The following EIF2S1 variants were observed in gnomAD, a reference collection of about 807,000 sequenced individuals.
EIF2S1 encodes the protein eukaryotic translation initiation factor 2 subunit alpha.
Under a neutral mutation model 33.5 loss-of-function variants are expected in EIF2S1, and 5 were observed. That is an observed-to-expected ratio of 0.15 (90% CI 0.08 to 0.31). The LOEUF is 0.31. EIF2S1 is among the 10% of genes least tolerant of loss of function. The pLI, the probability that EIF2S1 is intolerant of heterozygous loss-of-function variation, is 1.00. For synonymous variants in EIF2S1, 99 were observed against 127.5 expected, an observed-to-expected ratio of 0.78 and a Z score of 1.51; for missense variants, 191 against 384.6, an observed-to-expected ratio of 0.50 and a Z score of 4.21.
At chr14:67,363,491 T>G (rs1043751015) in intron 1 of EIF2S1, among the ~76,000 whole-genome samples, 1 of 152,194 alleles carries the variant, frequency 6.6e-6, no homozygotes, top group Non-Finnish European at 1.5e-5. Context: ...TTATAATATA[T>G]TTATGAATAG....
At chr14:67,376,330 T>G in intron 3 of EIF2S1, 109 bp from the exon 4 acceptor site, 1 of 1,111,940 alleles carries the variant, frequency 9.0e-7, no homozygotes, top group Non-Finnish European at 1.2e-6. Context: ...TGGAGATCTT[T>G]TATTGTTAAG....
At chr14:67,382,631 T>C (rs752877838) in intron 7 of EIF2S1, 41 bp downstream of exon 7, 1 of 1,610,644 alleles carries the variant, frequency 6.2e-7, no homozygotes, top group Non-Finnish European at 8.5e-7. Context: ...ACTCAGGAGG[T>C]TCCTAAAAGG....
intron 2 of EIF2S1, among the ~76,000 whole-genome samples, chr14:67,372,063 G>T (rs961190794): frequency 1.5e-4 from 23 of 152,076 alleles, no homozygotes; most frequent in African/African-American, 5.3e-4. Flanking sequence ...CCAGGAGTTC[G>T]AGACCAGCCT....
chr14:67,375,631 T>A (rs1302593213), intron 3 of EIF2S1, among the ~76,000 whole-genome samples: 1 of 152,182 alleles, frequency 6.6e-6, no homozygotes, highest in Non-Finnish European at 1.5e-5. Flanking sequence ...CCCAAATCAT[T>A]TCCTTTGTTT....
intron 1 of EIF2S1, 94 bp from the exon 2 acceptor site, chr14:67,364,673 C>A: frequency 7.8e-7 from 1 of 1,276,682 alleles, no homozygotes; most frequent in Non-Finnish European, 1.1e-6. Context: ...TTTTTTTCTT[C>A]ATCTTTTCTT....
rs749202729 is a variant in EIF2S1, at chr14:67,381,708, T to G, written c.678+18T>G. 1.9e-6 allele frequency: 3 copies of G among 1,571,674 alleles called. No individual in the cohort carries two copies. In the South Asian group the frequency reaches 3.4e-5, roughly 18 times the overall value. On this transcript the variant is annotated intron_variant, in intron 6 of 7. Coordinates refer to ENST00000256383, the MANE Select transcript of EIF2S1 (RefSeq NM_004094.5). The stretch of plus-strand genomic sequence containing the variant: ...CCATTAAGGTGAGTCATGAGTTGTC[T>G]CCCTCCCTGCTGAAATGCTCACCTA...
intron 4 of EIF2S1, 126 bp downstream of exon 4, chr14:67,376,716 T>TA: frequency 1.1e-6 from 1 of 937,374 alleles, no homozygotes; most frequent in Non-Finnish European, 1.6e-6. Flanking sequence ...TATTGGCCAG[T>TA]AAATGGGCCA....
chr14:67,379,794 A>G (rs936048148), intron 4 of EIF2S1, among the ~76,000 whole-genome samples: 1 of 148,504 alleles, frequency 6.7e-6, no homozygotes, highest in Non-Finnish European at 1.5e-5. Flanking sequence ...AGCTGGGACT[A>G]CAGGCGCCCG....
chr14:67,375,943 C>G (rs2085855552), intron 3 of EIF2S1, among the ~76,000 whole-genome samples: 1 of 152,138 alleles, frequency 6.6e-6, no homozygotes, highest in Admixed American at 6.5e-5. Flanking sequence ...CCTTTTCTCA[C>G]TCAATTTTTA....
chr14:67,362,976 T>G (rs2085752628), intron 1 of EIF2S1, among the ~76,000 whole-genome samples: 1 of 152,196 alleles, frequency 6.6e-6, no homozygotes, highest in Non-Finnish European at 1.5e-5. Context: ...CAGGATTCTC[T>G]TACATGATTG....
At chr14:67,376,075 T>G (rs1304388490) in intron 3 of EIF2S1, among the ~76,000 whole-genome samples, 1 of 152,222 alleles carries the variant, frequency 6.6e-6, no homozygotes, top group African/African-American at 2.4e-5. Flanking sequence ...CGTGATTCTC[T>G]CCTCAGGGAG....
rs538726363 is a variant in EIF2S1 at position 67,365,445 on chromosome 14, T to C, written c.241+437T>C. 4.6e-5 allele frequency among the ~76,000 whole-genome samples: 7 copies of C among 152,360 alleles called. No homozygotes were observed. In the South Asian group the frequency reaches 1.4e-3, roughly 32 times the overall value. On this transcript the variant is annotated intron_variant, in intron 2 of 7. Coordinates refer to ENST00000256383, the MANE Select transcript of EIF2S1 (RefSeq NM_004094.5). Reference sequence around the variant, plus strand: ...GATTTTAGGGATCTTTTATATAAGCTTTGAAAAAGCAATATACTATGCGTG... The same window carrying C: ...GATTTTAGGGATCTTTTATATAAGCCTTGAAAAAGCAATATACTATGCGTG...
chr14:67,386,279 T>G lies in EIF2S1; in HGVS notation c.*2839T>G, dbSNP rs1383963707. ...AATAAGTAAAACATTAGCTTGTGAT[T>G]TCTCATTATTCAGGTCAATGTTTTA... On this transcript the variant is annotated 3_prime_UTR_variant, in exon 8 of 8. Transcript: ENST00000256383. 6.6e-6 allele frequency: 1 copy of G among 152,648 alleles called. No individual in the cohort carries two copies. The highest frequency in any genetic ancestry group is 2.4e-5 in the African/African-American group (1 of 41,464). 9.5% of individuals were successfully genotyped at this position (152,648 alleles called of 1,614,324 possible). A position where few individuals can be genotyped will look rare whatever the true frequency, so the allele number is the denominator to read the frequency against.
At chr14:67,380,894 T>C (rs1023957630) in intron 5 of EIF2S1, 129 bp downstream of exon 5, 2 of 459,546 alleles carry the variant, frequency 4.4e-6, no homozygotes, top group African/African-American at 4.1e-5. Flanking sequence ...TTGTTTTTTA[T>C]AACAAAAGCT....
At chr14:67,382,904 CGTGCGT>C (rs1330051951) in intron 7 of EIF2S1, among the ~76,000 whole-genome samples, 6 of 140,546 alleles carry the variant, frequency 4.3e-5, no homozygotes, top group South Asian at 4.8e-4. Context: ...TACGTGCGTG[CGTGCGT>C]GTGTGTGTGT....
At chr14:67,366,979 A>G (rs577427786) in intron 2 of EIF2S1, among the ~76,000 whole-genome samples, 14 of 152,242 alleles carry the variant, frequency 9.2e-5, no homozygotes, top group African/African-American at 2.2e-4. Context: ...GTAGACAACC[A>G]TAGTAGATGG....
chr14:67,363,377 C>G (rs929738427), intron 1 of EIF2S1, among the ~76,000 whole-genome samples: 2 of 152,012 alleles, frequency 1.3e-5, no homozygotes, highest in Admixed American at 6.6e-5. Context: ...ATATGCTGCT[C>G]TTTGTTGTCA....
rs548185834 is a variant in EIF2S1 at position 67,377,462 on chromosome 14, G to A, written c.473+872G>A. 3.9e-5 allele frequency among the ~76,000 whole-genome samples: 6 copies of A among 152,268 alleles called. No homozygotes were observed. In the South Asian group the frequency reaches 8.3e-4, roughly 21 times the overall value. On this transcript the variant is annotated intron_variant, in intron 4 of 7. Coordinates refer to ENST00000256383, the MANE Select transcript of EIF2S1 (RefSeq NM_004094.5). ...ATCCCTGCTCCCTGCCTCTTGGCTGGTATGCTCACTACCTATTTTATTTTA... is the reference window on the plus strand; with the variant it reads ...ATCCCTGCTCCCTGCCTCTTGGCTGATATGCTCACTACCTATTTTATTTTA...
chr14:67,379,294 C>G (rs920300508), intron 4 of EIF2S1, among the ~76,000 whole-genome samples: 2 of 152,138 alleles, frequency 1.3e-5, no homozygotes, highest in African/African-American at 4.8e-5. Context: ...CAAATCCTTG[C>G]CACAATTTGG....
Sources: gnomAD v4.1 joint callset for allele counts (sites outside exome capture counted in the v4.1 genomes callset) on GRCh38, gnomAD v4.1.1 for gene constraint, MANE v1.5 for transcripts, NCBI Gene and HGNC (gene_info 2026-07-23, HGNC 2026-07-21) for gene names.